The following IGBP1C variants were observed in gnomAD, a reference collection of about 807,000 sequenced individuals.
IGBP1C encodes the protein immunoglobulin-binding protein 1 family member C.
At chr17:58,661,366 C>G in the IGBP1C span, 1 of 926,978 alleles carries the variant, frequency 1.1e-6, no homozygotes, top group African/African-American at 1.6e-5. Flanking sequence ...TCAGGTACTT[C>G]AGGTCGGTGG....
the IGBP1C span, among the ~76,000 whole-genome samples, chr17:58,684,427 A>G: frequency 6.6e-6 from 1 of 150,404 alleles, no homozygotes; most frequent in African/African-American, 2.4e-5. Context: ...ACACCATTGC[A>G]CTCCAGCCTG....
At chr17:58,687,533 A>C in the IGBP1C span, among the ~76,000 whole-genome samples, 1 of 151,934 alleles carries the variant, frequency 6.6e-6, no homozygotes, top group Non-Finnish European at 1.5e-5. Context: ...ACAGGGTTTC[A>C]CCATGTTGGC....
At chr17:58,661,847 G>T in the IGBP1C span, 1 of 428,136 alleles carries the variant, frequency 2.3e-6, no homozygotes, top group Non-Finnish European at 4.1e-6. Flanking sequence ...TGTAAAGTGG[G>T]AATAATACTG....
the IGBP1C span, among the ~76,000 whole-genome samples, chr17:58,686,374 G>C: frequency 6.6e-6 from 1 of 152,126 alleles, no homozygotes; most frequent in African/African-American, 2.4e-5. Context: ...TGGATATGTG[G>C]TTCATGGAGG....
At chr17:58,666,228 A>G in the IGBP1C span, among the ~76,000 whole-genome samples, 1 of 151,452 alleles carries the variant, frequency 6.6e-6, no homozygotes. Context: ...CTGTAATGTA[A>G]TCCCAGTTTC....
At chr17:58,670,060 A>G in the IGBP1C span, among the ~76,000 whole-genome samples, 4 of 152,166 alleles carry the variant, frequency 2.6e-5, no homozygotes, top group African/African-American at 9.7e-5. Flanking sequence ...TTGCCTGTGT[A>G]GTTCCCCTTG....
chr17:58,660,456 A>C, the IGBP1C span: 1 of 574,534 alleles, frequency 1.7e-6, no homozygotes, highest in Non-Finnish European at 3.2e-6. Flanking sequence ...ACTCAAAGCA[A>C]CATTAAGCAT....
the IGBP1C span, among the ~76,000 whole-genome samples, chr17:58,665,404 C>G: frequency 6.6e-6 from 1 of 151,016 alleles, no homozygotes; most frequent in African/African-American, 2.4e-5. Flanking sequence ...AGTTGAAGAT[C>G]AGCCTGACCA....
At chr17:58,691,575 G>A in the IGBP1C span, among the ~76,000 whole-genome samples, 10 of 150,806 alleles carry the variant, frequency 6.6e-5, no homozygotes, top group Admixed American at 1.3e-4. Context: ...GCTGAGGCAG[G>A]AGACTCACTT....
chr17:58,665,998 G>A, the IGBP1C span, among the ~76,000 whole-genome samples: 27 of 150,796 alleles, frequency 1.8e-4, no homozygotes, highest in South Asian at 8.3e-4. Flanking sequence ...GCAGTGAGCC[G>A]AGATTGTGCC....
the IGBP1C span, among the ~76,000 whole-genome samples, chr17:58,676,801 C>T: frequency 6.6e-6 from 1 of 152,054 alleles, no homozygotes; most frequent in Non-Finnish European, 1.5e-5. Context: ...GCCTGGGCAA[C>T]ATAGCGAGAC....
chr17:58,674,407 C>T, the IGBP1C span, among the ~76,000 whole-genome samples: 1 of 152,174 alleles, frequency 6.6e-6, no homozygotes, highest in Non-Finnish European at 1.5e-5. Flanking sequence ...CAGTGGCTCA[C>T]GCCTGTAATC....
the IGBP1C span, chr17:58,661,822 T>C: frequency 4.2e-6 from 2 of 481,680 alleles, no homozygotes; most frequent in African/African-American, 4.0e-5. Flanking sequence ...TCTCTCTGTT[T>C]CCGTTTCCTA....
the IGBP1C span, chr17:58,661,875 A>G: frequency 2.8e-6 from 1 of 353,404 alleles, no homozygotes; most frequent in Non-Finnish European, 5.1e-6. Context: ...GGCTCACAAG[A>G]TTTCTGTGAG....
chr17:58,679,171 A>G, the IGBP1C span, among the ~76,000 whole-genome samples: 1 of 152,158 alleles, frequency 6.6e-6, no homozygotes, highest in Non-Finnish European at 1.5e-5. Context: ...AAGAAAAAAA[A>G]CAGAAGGACT....
the IGBP1C span, among the ~76,000 whole-genome samples, chr17:58,690,595 A>G: frequency 6.6e-6 from 1 of 152,206 alleles, no homozygotes; most frequent in Non-Finnish European, 1.5e-5. Flanking sequence ...TCACCCAAGA[A>G]TCTGGGTGCT....
the IGBP1C span, chr17:58,666,752 C>G: frequency 6.6e-6 from 1 of 152,174 alleles, no homozygotes; most frequent in Non-Finnish European, 1.5e-5. Flanking sequence ...ATTGCAAGTG[C>G]GGGTAACTCC....
the IGBP1C span, among the ~76,000 whole-genome samples, chr17:58,686,310 G>A: frequency 6.6e-6 from 1 of 152,124 alleles, no homozygotes; most frequent in Non-Finnish European, 1.5e-5. Context: ...CAGAGTGAAA[G>A]GGAAGGAGGT....
chr17:58,672,185 A>T, the IGBP1C span, among the ~76,000 whole-genome samples: 342 of 151,942 alleles, frequency 2.3e-3, 2 homozygotes, highest in Middle Eastern at 0.017. Flanking sequence ...TAACAGGAGG[A>T]GGTGCTCAGG....
Sources: allele counts gnomAD v4.1 joint callset (sites outside exome capture counted in the v4.1 genomes callset), GRCh38; gene constraint gnomAD v4.1.1; transcripts MANE v1.5; gene names NCBI Gene and HGNC (gene_info 2026-07-23, HGNC 2026-07-21).